Variants in MBNL2 observed in about 807,000 individuals in gnomAD.
MBNL2 encodes the protein muscleblind-like protein 2.
Under a neutral mutation model 41.9 loss-of-function variants are expected in MBNL2, and 17 were observed. The observed-to-expected ratio is 0.41, with a 90% CI of 0.28 to 0.61. The LOEUF is 0.61. MBNL2 is among the 20% of genes least tolerant of loss of function. MBNL2 has a pLI of 0.35. For synonymous variants in MBNL2, 195 were observed against 182.9 expected (o/e 1.07, Z -0.53); for missense variants, 336 against 505.6 (o/e 0.66, Z 3.22).
chr13:97,154,304 G>A, the MBNL2 span, among the ~76,000 whole-genome samples: 2 of 151,906 alleles, frequency 1.3e-5, no homozygotes, highest in African/African-American at 4.8e-5. Context: ...TTTACCCGTT[G>A]GTTTTTTGTT....
At chr13:97,252,713 TTTAG>T (rs1293054325) in intron 1 of MBNL2, among the ~76,000 whole-genome samples, 1 of 152,212 alleles carries the variant, frequency 6.6e-6, no homozygotes, top group East Asian at 1.9e-4. Flanking sequence ...TTTAATTTTA[TTTAG>T]TTATCTCATT....
chr13:97,253,897 TTTTA>T (rs1195801736), intron 1 of MBNL2, among the ~76,000 whole-genome samples: 3 of 152,190 alleles, frequency 2.0e-5, no homozygotes, highest in African/African-American at 2.4e-5. Flanking sequence ...TCAATACAAT[TTTTA>T]TTTATTTGTT....
In MBNL2 at chr13:97,346,218, AAAT is replaced by A. The variant is rs1351887664; in HGVS notation, c.541-582_541-580del. On this transcript the variant is annotated intron_variant, in intron 4 of 8. Coordinates refer to ENST00000679496, the MANE Select transcript of MBNL2 (RefSeq NM_001382683.1). The surrounding 1 kb of genome is among the most constrained non-coding windows in gnomAD (Gnocchi z 4.2). ...AAGTAATTGCAGTTTTTACCATTAA[AAAT>A]AATGATAGATTAACAGATAATAGAT... Among the ~76,000 whole-genome samples, 6 of 151,674 alleles carry A rather than the reference AAAT, an allele frequency of 4.0e-5. No homozygotes were observed. Among genetic ancestry groups the A allele is most frequent in the African/African-American group, 1.5e-4 (6 of 41,030 alleles).
At chr13:97,197,149 T>G in the MBNL2 span, among the ~76,000 whole-genome samples, 4 of 152,222 alleles carry the variant, frequency 2.6e-5, no homozygotes, top group Non-Finnish European at 5.9e-5. Flanking sequence ...CTCAGCTCAT[T>G]GTTTTTCTCT....
At chr13:97,374,200 T>G (rs2064725169) in intron 8 of MBNL2, among the ~76,000 whole-genome samples, 1 of 151,396 alleles carries the variant, frequency 6.6e-6, no homozygotes, top group Non-Finnish European at 1.5e-5. Context: ...CAGGCTGGAG[T>G]GCAGTGGCGC....
chr13:97,253,058 C>T (rs1324221648), intron 1 of MBNL2, among the ~76,000 whole-genome samples: 2 of 152,202 alleles, frequency 1.3e-5, no homozygotes, highest in Admixed American at 6.5e-5. Context: ...GATTTTTCAT[C>T]TTGCTAACTG....
chr13:97,373,405 A>G (rs1245794121), intron 8 of MBNL2, among the ~76,000 whole-genome samples: 1 of 151,904 alleles, frequency 6.6e-6, no homozygotes, highest in Non-Finnish European at 1.5e-5. Context: ...CAGGAGAGAG[A>G]GAGAGAGTAG....
chr13:97,279,053 G>A (rs74512234), intron 2 of MBNL2, among the ~76,000 whole-genome samples: 537 of 152,328 alleles, frequency 3.5e-3, no homozygotes, highest in Non-Finnish European at 6.3e-3. Context: ...TTCTTGTGAG[G>A]ATTGCAAGCT....
chr13:97,387,989 T>A (rs1264963686), intron 8 of MBNL2, among the ~76,000 whole-genome samples: 1 of 152,194 alleles, frequency 6.6e-6, no homozygotes, highest in Non-Finnish European at 1.5e-5. Flanking sequence ...CATGGGGTGC[T>A]GTGCCTTGGA....
At chr13:97,305,884 A>G (rs1443318947) in intron 2 of MBNL2, among the ~76,000 whole-genome samples, 1 of 152,204 alleles carries the variant, frequency 6.6e-6, no homozygotes, top group Non-Finnish European at 1.5e-5. Flanking sequence ...TACCCAAGCA[A>G]TAATTATTTC....
intron 8 of MBNL2, among the ~76,000 whole-genome samples, chr13:97,383,843 G>A (rs1470339811): frequency 6.6e-6 from 1 of 152,018 alleles, no homozygotes; most frequent in Non-Finnish European, 1.5e-5. Flanking sequence ...TAATGAATCA[G>A]ACTATTTTTA....
intron 1 of MBNL2, among the ~76,000 whole-genome samples, chr13:97,225,165 C>T (rs948471464): frequency 3.4e-4 from 52 of 152,178 alleles, no homozygotes; most frequent in African/African-American, 9.4e-4. Context: ...GCCAGTCCCG[C>T]GCTCAGGGAG....
Position 97,334,481 on chromosome 13 carries a change from G to A in MBNL2, c.339+41G>A. 1 of 1,494,556 alleles carries A rather than the reference G, an allele frequency of 6.7e-7. No individual in the cohort carries two copies. The highest frequency in any genetic ancestry group is 1.3e-5 in the South Asian group (1 of 78,362). 92.6% of individuals were successfully genotyped at this position (1,494,556 alleles called of 1,614,324 possible). Reference sequence around the variant, plus strand: ...TTCAGTGATGAGTTGGATGGTTACAGTGTTGGTATGGATGATGCCACGTTG... The same window carrying A: ...TTCAGTGATGAGTTGGATGGTTACAATGTTGGTATGGATGATGCCACGTTG... On this transcript the variant is annotated intron_variant, in intron 3 of 8. Transcript: ENST00000679496. The surrounding 1 kb of genome is among the most constrained non-coding windows in gnomAD (Gnocchi z 5.3).
the MBNL2 span, among the ~76,000 whole-genome samples, chr13:97,142,281 A>G: frequency 6.6e-6 from 1 of 152,212 alleles, no homozygotes; most frequent in African/African-American, 2.4e-5. Context: ...GCATTCTAAA[A>G]ACTCATTAAC....
At position 97,366,683 on chromosome 13, in the gene MBNL2, T is replaced by C; in HGVS notation, c.1048+1512T>C. ...TCAAATTTTATTTTTTTAATTAGTT[T>C]ATAGCAAGCATTTACAGACAGGTTG... On this transcript the variant is annotated intron_variant, in intron 8 of 8. Coordinates refer to ENST00000679496, the MANE Select transcript of MBNL2 (RefSeq NM_001382683.1). This position sits in a 1 kb window ranked among gnomAD's most constrained non-coding sequence, Gnocchi z 4.7. The C allele has an allele frequency of 1.4e-6, 1 of 713,816 alleles. No homozygotes were observed. The highest frequency in any genetic ancestry group is 2.6e-4 in the Middle Eastern group (1 of 3,782). The allele number at this position is 713,816 out of a possible 1,614,324, so 44.2% of individuals were successfully genotyped here.
chr13:97,282,437 C>A (rs2053620194), intron 2 of MBNL2, among the ~76,000 whole-genome samples: 1 of 152,146 alleles, frequency 6.6e-6, no homozygotes, highest in South Asian at 2.1e-4. Context: ...AAATTTCAAT[C>A]TTTAAAAGAC....
chr13:97,183,802 C>T, the MBNL2 span, among the ~76,000 whole-genome samples: 2 of 152,166 alleles, frequency 1.3e-5, no homozygotes, highest in East Asian at 3.8e-4. Context: ...AATTATTGTT[C>T]CACTTCCTCT....
At chr13:97,216,514 C>T (rs1196120574), upstream of MBNL2, among the ~76,000 whole-genome samples, 3 of 152,236 alleles carry the variant, frequency 2.0e-5, no homozygotes, top group East Asian at 3.9e-4. Flanking sequence ...AGACCAGGCC[C>T]GTCAGCAACT....
At chr13:97,375,009 A>G (rs1417525041) in intron 8 of MBNL2, among the ~76,000 whole-genome samples, 4 of 152,126 alleles carry the variant, frequency 2.6e-5, no homozygotes, top group Non-Finnish European at 1.5e-5. Context: ...GCACTTATCT[A>G]CCCAAGCTCT....
Sources: gnomAD v4.1 joint callset for allele counts (sites outside exome capture counted in the v4.1 genomes callset) on GRCh38, gnomAD v4.1.1 for gene constraint, Gnocchi (gnomAD v3.1) non-coding constraint, MANE v1.5 for transcripts, NCBI Gene and HGNC (gene_info 2026-07-23, HGNC 2026-07-21) for gene names.